The following INPP4B variants were observed in gnomAD, a reference collection of about 807,000 sequenced individuals.
INPP4B encodes inositol polyphosphate 4-phosphatase type II.
Under a neutral mutation model 122.5 loss-of-function variants are expected in INPP4B, and 55 were observed. The ratio of observed to expected loss-of-function variants is 0.45; its 90% CI spans 0.36 to 0.56. INPP4B has a LOEUF of 0.56. INPP4B is among the 20% of genes least tolerant of loss of function. INPP4B has a pLI of 0.00. For synonymous variants in INPP4B, 403 were observed against 388.7 expected (o/e 1.04, Z -0.43); for missense variants, 1,000 against 1,097.7 (o/e 0.91, Z 1.26).
chr4:142,329,764 A>G (rs1773773696), intron 7 of INPP4B, among the ~76,000 whole-genome samples: 1 of 152,238 alleles, frequency 6.6e-6, no homozygotes, highest in Non-Finnish European at 1.5e-5. Context: ...TCCTCTTAAT[A>G]TAATTACATT....
intron 2 of INPP4B, among the ~76,000 whole-genome samples, chr4:142,517,523 G>C (rs1825560222): frequency 6.6e-6 from 1 of 152,104 alleles, no homozygotes; most frequent in Admixed American, 6.6e-5. Context: ...AGAGATACCA[G>C]GTGCATCCTT....
intron 1 of INPP4B, among the ~76,000 whole-genome samples, chr4:142,811,767 T>C (rs759726841): frequency 9.2e-5 from 14 of 152,162 alleles, no homozygotes; most frequent in South Asian, 2.1e-4. Flanking sequence ...ATTTTGAATA[T>C]CATTTCTTCA....
At chr4:142,659,232 T>C (rs1219674417) in intron 2 of INPP4B, among the ~76,000 whole-genome samples, 6 of 110,442 alleles carry the variant, frequency 5.4e-5, no homozygotes. Context: ...ACCCCGCCTC[T>C]ACTAAAAATA....
At chr4:142,698,478 C>T (rs1468967863) in intron 2 of INPP4B, among the ~76,000 whole-genome samples, 2 of 152,032 alleles carry the variant, frequency 1.3e-5, no homozygotes, top group African/African-American at 4.8e-5. Context: ...ATTACCAGAC[C>T]CTAGATCTTG....
chr4:142,092,202 T>C (rs1437725966), intron 23 of INPP4B, among the ~76,000 whole-genome samples: 1 of 152,202 alleles, frequency 6.6e-6, no homozygotes, highest in Non-Finnish European at 1.5e-5. Flanking sequence ...ATAACAGCCA[T>C]CTTTTAGCCA....
intron 12 of INPP4B, among the ~76,000 whole-genome samples, chr4:142,234,044 T>C (rs1424146242): frequency 6.6e-6 from 1 of 152,160 alleles, no homozygotes; most frequent in African/African-American, 2.4e-5. Flanking sequence ...CACTGGGTTC[T>C]ACAGGGAAGT....
Position 142,806,328 on chromosome 4 carries a change from C to T in INPP4B, c.-254+39881G>A, listed in dbSNP as rs144050730. 4.3e-4 allele frequency among the ~76,000 whole-genome samples: 63 copies of T among 146,036 alleles called. 1 individual carries two copies. In the East Asian group the frequency reaches 9.6e-3, roughly 22 times the overall value. ...AAGAGGAAAAAAGAACATATAAATG[C>T]GTGTGTGCACTATATTTTCAGGCAC... On this transcript the variant is annotated intron_variant, in intron 1 of 25. Coordinates refer to ENST00000262992, the MANE Select transcript of INPP4B (RefSeq NM_001101669.3).
chr4:142,537,774 T>A (rs971149185), intron 2 of INPP4B, among the ~76,000 whole-genome samples: 11 of 142,678 alleles, frequency 7.7e-5, no homozygotes, highest in African/African-American at 1.5e-4. Flanking sequence ...TGTGTGTGTG[T>A]GACTGCATTT....
intron 9 of INPP4B, among the ~76,000 whole-genome samples, chr4:142,304,291 C>T (rs1762557081): frequency 6.6e-6 from 1 of 152,052 alleles, no homozygotes; most frequent in African/African-American, 2.4e-5. Flanking sequence ...AGCAGCAAAA[C>T]TGTATTGTAA....
chr4:142,811,338 C>T (rs1487953442), intron 1 of INPP4B, among the ~76,000 whole-genome samples: 1 of 152,202 alleles, frequency 6.6e-6, no homozygotes, highest in African/African-American at 2.4e-5. Context: ...AGGGCCAAGT[C>T]AGTCTTCCTG....
intron 11 of INPP4B, among the ~76,000 whole-genome samples, chr4:142,238,387 A>G (rs1857589548): frequency 6.6e-6 from 1 of 152,148 alleles, no homozygotes; most frequent in African/African-American, 2.4e-5. Flanking sequence ...GTCTACAAAC[A>G]TACATTAAAG....
At chr4:142,623,587 C>T (rs1199474025) in intron 2 of INPP4B, among the ~76,000 whole-genome samples, 1 of 151,776 alleles carries the variant, frequency 6.6e-6, no homozygotes, top group Non-Finnish European at 1.5e-5. Context: ...TATTATTATA[C>T]CTTAAGTTTT....
At chr4:142,145,514 C>A (rs529174458) in intron 18 of INPP4B, among the ~76,000 whole-genome samples, 1 of 152,016 alleles carries the variant, frequency 6.6e-6, no homozygotes, top group South Asian at 2.1e-4. Flanking sequence ...AGTGCAGATG[C>A]TTATTTATCT....
At chr4:142,176,158 T>C (rs1828141866) in intron 15 of INPP4B, among the ~76,000 whole-genome samples, 1 of 148,762 alleles carries the variant, frequency 6.7e-6, no homozygotes, top group African/African-American at 2.4e-5. Flanking sequence ...ATTATTATAC[T>C]TTAAGTTCTA....
chr4:142,421,078 T>C (rs1806778688), intron 5 of INPP4B, among the ~76,000 whole-genome samples: 1 of 152,140 alleles, frequency 6.6e-6, no homozygotes, highest in South Asian at 2.1e-4. Flanking sequence ...AGCTATAGAG[T>C]AGCAAAGATA....
intron 1 of INPP4B, among the ~76,000 whole-genome samples, chr4:142,827,601 T>A (rs1407345644): frequency 6.6e-6 from 1 of 152,160 alleles, no homozygotes; most frequent in Non-Finnish European, 1.5e-5. Flanking sequence ...GTCTATAGCA[T>A]GAAGGTAGAG....
intron 2 of INPP4B, among the ~76,000 whole-genome samples, chr4:142,639,161 T>C (rs1749824850): frequency 6.6e-6 from 1 of 152,192 alleles, no homozygotes. Context: ...TTTTATACAT[T>C]ACTGGATTTG....
chr4:142,486,667 A>G (rs1821237191), intron 2 of INPP4B, among the ~76,000 whole-genome samples: 2 of 152,276 alleles, frequency 1.3e-5, no homozygotes, highest in African/African-American at 2.4e-5. Context: ...TTTAAGTCAT[A>G]TGTTAGAAAT....
intron 17 of INPP4B, among the ~76,000 whole-genome samples, chr4:142,146,198 T>C (rs1030253068): frequency 3.9e-5 from 6 of 152,190 alleles, no homozygotes; most frequent in African/African-American, 4.8e-5. Context: ...TGAAGTATTA[T>C]AAACCTTTTT....
Sources: gnomAD v4.1 joint callset for allele counts (sites outside exome capture counted in the v4.1 genomes callset) on GRCh38, gnomAD v4.1.1 for gene constraint, MANE v1.5 for transcripts, NCBI Gene and HGNC (gene_info 2026-07-23, HGNC 2026-07-21) for gene names.